Variants in RORA observed in about 807,000 individuals in gnomAD.
RORA encodes the protein nuclear receptor ROR-alpha.
In RORA, 7 loss-of-function variants were observed where a neutral mutation model predicts 69.5. The ratio of observed to expected loss-of-function variants is 0.10; its 90% CI spans 0.06 to 0.19. The LOEUF (loss-of-function observed/expected upper bound fraction) is 0.19, where lower values mean the gene tolerates loss of function less well. Ranked by LOEUF, RORA falls within the 10% of genes least tolerant of loss-of-function variation. The pLI, the probability that RORA is intolerant of heterozygous loss-of-function variation, is 1.00. For missense variants in RORA, 457 were observed against 663.0 expected (o/e 0.69, Z 3.41); for synonymous variants, 261 against 240.8 (o/e 1.08, Z -0.78).
chr15:60,512,006 C>A, intron 4 of RORA: 1 of 197,516 alleles, frequency 5.1e-6, no homozygotes, highest in Non-Finnish European at 1.0e-5. Flanking sequence ...CACGTTCAGA[C>A]CAAGGCACAG....
In RORA at chr15:60,722,702, A is replaced by G. The variant is rs112546215; in HGVS notation, c.167-44016T>C. ...TGCCAGATCTCACAAACAAGGCTGG[A>G]CTCTGCTTATTCCTGGCCAGTCTTG... On this transcript the variant is annotated intron_variant, in intron 1 of 10. Coordinates refer to ENST00000335670, the MANE Select transcript of RORA (RefSeq NM_134261.3). 3.9e-3 allele frequency among the ~76,000 whole-genome samples: 591 copies of G among 152,258 alleles called. 3 individuals are homozygous for G. The highest frequency in any genetic ancestry group is 5.6e-3 in the Non-Finnish European group (380 of 68,020).
intron 2 of RORA, among the ~76,000 whole-genome samples, chr15:60,616,366 T>C (rs1381666853): frequency 1.3e-5 from 2 of 152,218 alleles, no homozygotes; most frequent in Non-Finnish European, 2.9e-5. Context: ...CCTTGTTGTC[T>C]GTTAAAATCT....
At chr15:60,936,610 A>C (rs1345888806) in intron 1 of RORA, among the ~76,000 whole-genome samples, 1 of 152,254 alleles carries the variant, frequency 6.6e-6, no homozygotes, top group Admixed American at 6.5e-5. Context: ...CCCTGAGAGC[A>C]ACTGTGTGCA....
chr15:60,719,812 T>C lies in RORA; in HGVS notation c.167-41126A>G, dbSNP rs1054810912. 5.9e-5 allele frequency among the ~76,000 whole-genome samples: 9 copies of C among 152,112 alleles called. 1 individual carries two copies. Among genetic ancestry groups the C allele is most frequent in the African/African-American group, 2.2e-4 (9 of 41,434 alleles). On this transcript the variant is annotated intron_variant, in intron 1 of 10. Transcript: ENST00000335670. ...ACCTTGCAGACTCCTACTTCAAGGG[T>C]TGGTGGAGGTGCTTGGGTACCGGAA...
At chr15:61,110,867 C>T (rs532501396) in intron 1 of RORA, among the ~76,000 whole-genome samples, 9 of 152,354 alleles carry the variant, frequency 5.9e-5, no homozygotes, top group Non-Finnish European at 1.0e-4. Context: ...ATACACCGCA[C>T]GCCCTGCACT....
intron 1 of RORA, among the ~76,000 whole-genome samples, chr15:60,926,994 A>G (rs759471230): frequency 3.3e-5 from 5 of 152,206 alleles, no homozygotes; most frequent in Non-Finnish European, 7.3e-5. Flanking sequence ...TACAGTTGGA[A>G]CACTTCATGA....
intron 1 of RORA, among the ~76,000 whole-genome samples, chr15:60,841,381 C>T (rs1246223375): frequency 6.6e-6 from 1 of 152,212 alleles, no homozygotes; most frequent in Non-Finnish European, 1.5e-5. Context: ...CGGCCACAGC[C>T]ATCCAACCAG....
chr15:60,500,749 C>T (rs1158668634), intron 9 of RORA, among the ~76,000 whole-genome samples: 1 of 152,086 alleles, frequency 6.6e-6, no homozygotes. Context: ...GTCTGAAAGG[C>T]ATGAGGTTTT....
At chr15:61,026,668 G>C (rs1347467260) in intron 1 of RORA, among the ~76,000 whole-genome samples, 6 of 152,124 alleles carry the variant, frequency 3.9e-5, no homozygotes, top group Non-Finnish European at 8.8e-5. Flanking sequence ...AAAGTCAAGA[G>C]ACATGTTTAT....
intron 5 of RORA, among the ~76,000 whole-genome samples, chr15:60,508,926 C>G (rs1220495425): frequency 6.6e-6 from 1 of 152,092 alleles, no homozygotes; most frequent in Admixed American, 6.5e-5. Flanking sequence ...AATTTCCTAG[C>G]CAAGGATGAA....
At chr15:60,815,426 C>A (rs1425041596) in intron 1 of RORA, among the ~76,000 whole-genome samples, 1 of 152,128 alleles carries the variant, frequency 6.6e-6, no homozygotes, top group African/African-American at 2.4e-5. Context: ...GTCCTTAAAA[C>A]AGCGCCTGGC....
In RORA at chr15:61,213,577, G is replaced by C. The variant is rs2080012229; in HGVS notation, c.166+15476C>G. The stretch of plus-strand genomic sequence containing the variant: ...ACTCTCCCCTTGGGTGCCTCAGCCT[G>C]GAATGCCCTGTCACTTTTTGCCAAA... On this transcript the variant is annotated intron_variant, in intron 1 of 10. Coordinates refer to ENST00000335670, the MANE Select transcript of RORA (RefSeq NM_134261.3). The surrounding 1 kb of genome is among the most constrained non-coding windows in gnomAD (Gnocchi z 4.1). 2.6e-5 allele frequency among the ~76,000 whole-genome samples: 4 copies of C among 152,036 alleles called. No homozygotes were observed. The highest frequency in any genetic ancestry group is 2.6e-4 in the Admixed American group (4 of 15,260).
chr15:60,808,345 A>C lies in RORA; in HGVS notation c.167-129659T>G, dbSNP rs141326674. On this transcript the variant is annotated intron_variant, in intron 1 of 10. Transcript: ENST00000335670. ...ATCACTAATTATCAGGAAAATGCAA[A>C]TCAAAACCACAGTGGAATACCACTT... is the stretch of plus-strand genomic sequence containing the variant. Among the ~76,000 whole-genome samples the C allele has an allele frequency of 3.4e-3, 521 of 152,338 alleles. 3 individuals are homozygous for C. Among genetic ancestry groups the C allele is most frequent in the African/African-American group, 0.012 (502 of 41,582 alleles).
intron 1 of RORA, among the ~76,000 whole-genome samples, chr15:60,683,191 T>G (rs1246721698): frequency 6.6e-6 from 1 of 152,140 alleles, no homozygotes; most frequent in Non-Finnish European, 1.5e-5. Context: ...TTACTTTTTT[T>G]GTAGAGATGG....
intron 1 of RORA, among the ~76,000 whole-genome samples, chr15:61,108,150 C>T (rs1231629408): frequency 2.0e-5 from 3 of 152,098 alleles, no homozygotes; most frequent in Non-Finnish European, 4.4e-5. Flanking sequence ...AGAAGATGTC[C>T]CTTCCAGGTT....
chr15:60,990,196 T>C (rs1479397988), intron 1 of RORA, among the ~76,000 whole-genome samples: 1 of 152,208 alleles, frequency 6.6e-6, no homozygotes, highest in Non-Finnish European at 1.5e-5. Context: ...TAATGCACTG[T>C]TTATGTACTC....
chr15:60,954,409 A>T (rs1330022423), intron 1 of RORA, among the ~76,000 whole-genome samples: 2 of 149,820 alleles, frequency 1.3e-5, no homozygotes, highest in East Asian at 2.0e-4. Flanking sequence ...AACCTGCACA[A>T]TGTGCACATG....
chr15:60,716,452 T>C (rs2071220139), intron 1 of RORA, among the ~76,000 whole-genome samples: 1 of 152,220 alleles, frequency 6.6e-6, no homozygotes, highest in South Asian at 2.1e-4. Context: ...ATTTCATCAA[T>C]ACCACTTACA....
chr15:60,668,836 A>G (rs951336427), intron 2 of RORA, among the ~76,000 whole-genome samples: 1 of 152,250 alleles, frequency 6.6e-6, no homozygotes, highest in Non-Finnish European at 1.5e-5. Context: ...AAAACGACAG[A>G]AACATATTCT....
Sources: allele counts gnomAD v4.1 joint callset (sites outside exome capture counted in the v4.1 genomes callset), GRCh38; gene constraint gnomAD v4.1.1; non-coding constraint Gnocchi (gnomAD v3.1); transcripts MANE v1.5; gene names NCBI Gene and HGNC (gene_info 2026-07-23, HGNC 2026-07-21).